ZFYVE16: variants seen among roughly 807,000 people sequenced by gnomAD.
ZFYVE16 encodes the protein zinc finger FYVE domain-containing protein 16.
In ZFYVE16, 89 loss-of-function variants were observed where a neutral mutation model predicts 138.1. The observed-to-expected ratio is 0.64, with a 90% confidence interval of 0.54 to 0.77. The LOEUF is 0.77. ZFYVE16 is among the 30% of genes least tolerant of loss of function. The pLI, the probability that ZFYVE16 is intolerant of heterozygous loss-of-function variation, is 0.00. For missense variants in ZFYVE16, 1,793 were observed against 1,786.7 expected (o/e 1.00, Z -0.06); for synonymous variants, 596 against 618.3 (o/e 0.96, Z 0.53).
In ZFYVE16 at chr5:80,437,551, C is replaced by A. The variant is rs770361665; in HGVS notation, c.866C>A (p.Ala289Asp). The change falls in exon 4 of 19, where the codon GCC becomes GAC. Residue 289 changes from alanine to aspartate, a missense_variant. Physicochemically the swap from Ala to Asp is moderately radical, Grantham distance 126 (BLOSUM62 -2). Coordinates refer to ENST00000505560, the MANE Select transcript of ZFYVE16 (RefSeq NM_001284236.3). Reference protein sequence around the residue: ...KEEVDVAVITAAECLKEEGKT... With the variant: ...KEEVDVAVITDAECLKEEGKT... ...GAAGTAGATGTGGCAGTCATAACTG[C>A]CGCAGAATGTTTAAAAGAAGAGGGC... The A allele has an allele frequency of 1.2e-6, 2 of 1,613,998 alleles. No individual in the cohort carries two copies. The highest frequency in any genetic ancestry group is 1.7e-6 in the Non-Finnish European group (2 of 1,179,968).
In ZFYVE16 at chr5:80,448,149, T is replaced by C. The variant is rs201637275; in HGVS notation, c.2848T>C (p.Leu950=). 1.6e-4 allele frequency: 266 copies of C among 1,613,926 alleles called. 1 individual carries two copies. The Middle Eastern group carries it at 3.6e-3, about 22-fold the overall frequency. ...TTCTCAGGTTCCATCAGTGGAAAAA[T>C]TGTCTATGAACACAGGAAATGAGGG... The part of the protein sequence containing the change: ...PISQVPSVEK[L]SMNTGNEGLP... Residue 950 remains leucine, a synonymous_variant, in exon 8 of 19, where the codon TTG becomes CTG. Coordinates refer to ENST00000505560, the MANE Select transcript of ZFYVE16 (RefSeq NM_001284236.3).
At chr5:80,443,367 AAG>A in intron 6 of ZFYVE16, 83 bp downstream of exon 6, 1 of 1,441,200 alleles carries the variant, frequency 6.9e-7, no homozygotes, top group Non-Finnish European at 9.4e-7. Context: ...CTAGTCAGGA[AAG>A]AGAAACCAGA....
In ZFYVE16 at chr5:80,423,781, G is replaced by A. The variant is rs188961283; in HGVS notation, c.-93-3711G>A. 7.0e-3 allele frequency among the ~76,000 whole-genome samples: 1,060 copies of A among 151,362 alleles called. 10 individuals carry two copies. Among genetic ancestry groups the A allele is most frequent in the African/African-American group, 0.024 (996 of 41,270 alleles). ...TGTCGATCTCCTGACCTTGTGATCC[G>A]CCCACCTCGTCCTCCCAAAATGCTG... On this transcript the variant is annotated intron_variant, in intron 1 of 18. Coordinates refer to ENST00000505560, the MANE Select transcript of ZFYVE16 (RefSeq NM_001284236.3).
At chr5:80,451,336 A>G in intron 10 of ZFYVE16, 149 bp from the exon 11 acceptor site, 1 of 582,846 alleles carries the variant, frequency 1.7e-6, no homozygotes, top group Admixed American at 3.5e-5. Flanking sequence ...TAAGAAAAAA[A>G]ATCTATAGTG....
chr5:80,407,845 C>A (rs1053902683), upstream of ZFYVE16, among the ~76,000 whole-genome samples: 1 of 152,210 alleles, frequency 6.6e-6, no homozygotes, highest in African/African-American at 2.4e-5. Flanking sequence ...AATCATCAGG[C>A]GTCCCCGTCA....
intron 15 of ZFYVE16, among the ~76,000 whole-genome samples, chr5:80,465,306 A>G (rs551955978): frequency 5.3e-5 from 8 of 150,642 alleles, no homozygotes; most frequent in Non-Finnish European, 1.0e-4. Context: ...CTGGACATAA[A>G]CTTTCTGGTT....
chr5:80,422,828 T>C (rs539991044), intron 1 of ZFYVE16, among the ~76,000 whole-genome samples: 8 of 152,340 alleles, frequency 5.3e-5, no homozygotes, highest in African/African-American at 1.9e-4. Flanking sequence ...GTAGATTATA[T>C]TGATTAATTT....
intron 5 of ZFYVE16, chr5:80,441,790 C>T (rs1045293523): frequency 1.0e-6 from 1 of 985,338 alleles, no homozygotes; most frequent in Non-Finnish European, 1.2e-6. Flanking sequence ...TTATGAGTGC[C>T]ATCATTCAGT....
chr5:80,439,597 A>C lies in ZFYVE16; in HGVS notation c.2323-339A>C, dbSNP rs1750430037. Among the ~76,000 whole-genome samples, 2 of 152,316 alleles carry C rather than the reference A, an allele frequency of 1.3e-5. 1 individual carries two copies. Among genetic ancestry groups the C allele is most frequent in the Middle Eastern group, 6.8e-3 (2 of 294 alleles). ...CAGTCCTATTTTTTTTTAACAAAAT[A>C]ACATTTTACTTTAAAAAGTTTTAAA... On this transcript the variant is annotated intron_variant, in intron 4 of 18. Coordinates refer to ENST00000505560, the MANE Select transcript of ZFYVE16 (RefSeq NM_001284236.3).
chr5:80,433,291 C>T (rs2112330014), intron 2 of ZFYVE16, among the ~76,000 whole-genome samples: 1 of 152,268 alleles, frequency 6.6e-6, no homozygotes, highest in South Asian at 2.1e-4. Flanking sequence ...TTTGTAGGGA[C>T]ATGGATGAAG....
chr5:80,418,498 G>A (rs998921101), intron 1 of ZFYVE16, among the ~76,000 whole-genome samples: 1 of 151,844 alleles, frequency 6.6e-6, no homozygotes, highest in Admixed American at 6.6e-5. Flanking sequence ...TTTTTTCTTA[G>A]AGATGAGGTT....
chr5:80,418,000 A>G (rs1097308), intron 1 of ZFYVE16, among the ~76,000 whole-genome samples: 121,180 of 152,102 alleles, frequency 0.8, 50,573 homozygotes, highest in East Asian at 0.92. Context: ...TGTGAAGTGG[A>G]TATCTCATTG....
Position 80,437,501 on chromosome 5 carries a change from A to G in ZFYVE16, c.816A>G (p.Leu272=), listed in dbSNP as rs779426650. The G allele has an allele frequency of 1.2e-5, 20 of 1,611,940 alleles. No homozygotes were observed. In the Admixed American group the frequency reaches 1.9e-4, roughly 15 times the overall value. ...LQHKSQPCGL[L]KDVGLVKEEV... ...ACAAGAGCCAGCCATGTGGATTACT[A>G]AAAGATGTTGGCTTAGTAAAAGAGG... Residue 272 remains leucine, a synonymous_variant, in exon 4 of 19, where the codon CTA becomes CTG. Transcript: ENST00000505560.
chr5:80,454,304 G>A (rs1392617920), intron 11 of ZFYVE16: 1 of 152,098 alleles, frequency 6.6e-6, no homozygotes, highest in Non-Finnish European at 1.5e-5. Context: ...AGAACTGAAG[G>A]TTACAAATGT....
intron 1 of ZFYVE16, among the ~76,000 whole-genome samples, chr5:80,417,979 A>G (rs761624058): frequency 1.6e-4 from 25 of 152,190 alleles, no homozygotes; most frequent in Non-Finnish European, 3.4e-4. Context: ...TCACAGTGAC[A>G]TTCTAGTAGA....
intron 2 of ZFYVE16, among the ~76,000 whole-genome samples, chr5:80,433,604 A>G (rs1444682273): frequency 6.6e-6 from 1 of 152,122 alleles, no homozygotes; most frequent in African/African-American, 2.4e-5. Flanking sequence ...AGTATATAAA[A>G]AAAACTCCAG....
At chr5:80,456,845 C>T (rs765787172) in intron 13 of ZFYVE16, 100 bp from the exon 14 acceptor site, 3 of 1,368,816 alleles carry the variant, frequency 2.2e-6, no homozygotes, top group Non-Finnish European at 2.9e-6. Flanking sequence ...CAGACCGAAG[C>T]TTGATAATTA....
rs1303122025 is a variant in ZFYVE16, at chr5:80,474,757, G to A, written c.4388G>A (p.Cys1463Tyr). Residue 1463 changes from cysteine to tyrosine, a missense_variant, in exon 18 of 19, where the codon TGC becomes TAC. By Grantham distance (194) the Cys-to-Tyr change is radical. Transcript: ENST00000505560. ...EIAMACSAAL[C>Y]PHLKTLKSNG... is the part of the protein sequence containing the mutation. ...GCCATGGCTTGTAGTGCTGCGCTGTGCCCTCACCTGAAAACTCTAAAAAGT... is the reference window on the plus strand; with the variant it reads ...GCCATGGCTTGTAGTGCTGCGCTGTACCCTCACCTGAAAACTCTAAAAAGT... 1.2e-6 allele frequency: 2 copies of A among 1,613,692 alleles called. No homozygotes were observed. Among genetic ancestry groups the A allele is most frequent in the African/African-American group, 2.7e-5 (2 of 74,886 alleles).
chr5:80,435,223 C>T (rs755992788), intron 3 of ZFYVE16, among the ~76,000 whole-genome samples: 9 of 152,050 alleles, frequency 5.9e-5, no homozygotes, highest in Admixed American at 2.6e-4. Context: ...TTAGTAGAAA[C>T]GGGGTTTCAC....
Sources: allele counts gnomAD v4.1 joint callset (sites outside exome capture counted in the v4.1 genomes callset), GRCh38; gene constraint gnomAD v4.1.1; transcripts MANE v1.5; gene names NCBI Gene and HGNC (gene_info 2026-07-23, HGNC 2026-07-21).